Variants in C21orf58 observed in about 807,000 individuals in gnomAD.
The protein encoded by C21orf58 is chromosome 21 open reading frame 58.
Under a neutral mutation model 35.8 loss-of-function variants are expected in C21orf58, and 34 were observed. The ratio of observed to expected loss-of-function variants is 0.95; its 90% confidence interval spans 0.72 to 1.26. The LOEUF (loss-of-function observed/expected upper bound fraction) is 1.26, where lower values mean the gene tolerates loss of function less well. Ranked by LOEUF, C21orf58 falls within the 50% of genes most tolerant of loss-of-function variation. The probability of loss-of-function intolerance (pLI) is 0.00; values close to 1 mark genes in which losing one functional copy is unlikely to be tolerated. For synonymous variants in C21orf58, 191 were observed against 175.8 expected, an observed-to-expected ratio of 1.09 and a Z score of -0.68; for missense variants, 440 against 414.3, an observed-to-expected ratio of 1.06 and a Z score of -0.54.
chr21:46,310,247 C>T (rs554846666), intron 6 of C21orf58, among the ~76,000 whole-genome samples: 1 of 151,188 alleles, frequency 6.6e-6, no homozygotes, highest in Admixed American at 6.6e-5. Context: ...GAGGCCAAGG[C>T]GGGTGGATTG....
chr21:46,320,052 G>C (rs1488541828), intron 1 of C21orf58, among the ~76,000 whole-genome samples: 5 of 152,144 alleles, frequency 3.3e-5, no homozygotes, highest in Non-Finnish European at 7.3e-5. Flanking sequence ...TTAAGCAACT[G>C]TATAGAGCAC....
intron 1 of C21orf58, 137 bp downstream of exon 1, chr21:46,322,502 T>C (rs117394729): frequency 0.013 from 16,427 of 1,281,148 alleles, 114 homozygotes; most frequent in Non-Finnish European, 0.014. Context: ...GAAAGTGTGA[T>C]CCTGTGGGTG....
In C21orf58 at chr21:46,303,727, ATATATATATATATATATATTTTTTTTTT is replaced by A. The variant is rs2082252277; in HGVS notation, c.722-1179_722-1152del. On this transcript the variant is annotated intron_variant, in intron 6 of 7. Coordinates refer to ENST00000291691, the MANE Select transcript of C21orf58 (RefSeq NM_058180.5). ...ACACAAAATATATATATATATATAT[ATATATATATATATATATATTTTTTTTTT>A]TTTTTTTTTTTTTGGAGACAGAGTC... Among the ~76,000 whole-genome samples, 6 of 26,616 alleles carry A rather than the reference ATATATATATATATATATATTTTTTTTTT, an allele frequency of 2.3e-4. 1 individual carries two copies. Among genetic ancestry groups the A allele is most frequent in the African/African-American group, 4.8e-4 (3 of 6,224 alleles). The allele number at this position is 26,616 out of a possible 152,430, so 17.5% of individuals were successfully genotyped here.
intron 3 of C21orf58, among the ~76,000 whole-genome samples, chr21:46,316,756 C>G (rs1355448090): frequency 6.6e-6 from 1 of 152,216 alleles, no homozygotes; most frequent in Non-Finnish European, 1.5e-5. Context: ...GCAGCTGAGC[C>G]CCCACAGCTC....
intron 4 of C21orf58, 126 bp downstream of exon 4, chr21:46,315,348 T>C: frequency 1.5e-6 from 1 of 681,184 alleles, no homozygotes; most frequent in Non-Finnish European, 2.6e-6. Flanking sequence ...GTGTCCTTGC[T>C]GGGGCCTGGC....
intron 1 of C21orf58, among the ~76,000 whole-genome samples, chr21:46,321,672 C>G (rs923934573): frequency 6.6e-6 from 1 of 152,168 alleles, no homozygotes; most frequent in African/African-American, 2.4e-5. Context: ...CACTGTCACC[C>G]CATCACATCA....
chr21:46,302,416 A>C, intron 7 of C21orf58, 69 bp downstream of exon 7: 3 of 1,294,816 alleles, frequency 2.3e-6, no homozygotes, highest in Non-Finnish European at 2.2e-6. Flanking sequence ...CAGATGCAGA[A>C]ATTTCCAGAA....
chr21:46,312,475 C>T (rs900467006), intron 5 of C21orf58, among the ~76,000 whole-genome samples: 1 of 152,060 alleles, frequency 6.6e-6, no homozygotes, highest in Non-Finnish European at 1.5e-5. Flanking sequence ...CCTGCCACCA[C>T]GCCCGGCTAA....
chr21:46,316,780 C>T (rs1275067991), intron 3 of C21orf58, among the ~76,000 whole-genome samples: 2 of 152,248 alleles, frequency 1.3e-5, no homozygotes, highest in East Asian at 1.9e-4. Flanking sequence ...GCTTGCCCCA[C>T]GTTCCAAAGA....
chr21:46,303,739 ATATATATTTTTTTTT>A (rs1429115966), intron 6 of C21orf58, among the ~76,000 whole-genome samples: 5 of 28,228 alleles, frequency 1.8e-4, no homozygotes, highest in African/African-American at 8.7e-4. Flanking sequence ...ATATATATAT[ATATATATTTTTTTTT>A]TTTTTTTTTT....
rs776645708 is a variant in C21orf58 at position 46,322,692 on chromosome 21, T to C, written c.47A>G (p.Lys16Arg). 3.2e-6 allele frequency: 5 copies of C among 1,580,200 alleles called. No individual in the cohort carries two copies. The highest frequency in any genetic ancestry group is 4.3e-6 in the Non-Finnish European group (5 of 1,162,446). The change falls in exon 1 of 8, where the codon AAG (lysine) becomes AGG (arginine). Residue 16 changes from lysine (K) to arginine (R), a missense_variant. Lys to Arg is a conservative substitution (Grantham distance 26). Coordinates refer to ENST00000291691, the MANE Select transcript of C21orf58 (RefSeq NM_058180.5). ...AGAAGGAAGTTTCTGGCGGTCGAGC[T>C]TCCACGGCTTCCTGAGGGAGGTTGC... The part of the protein sequence containing the change: ...LPATSLRKPW[K>R]LDRQKLPSPD...
At chr21:46,312,110 C>T (rs1028134217) in intron 5 of C21orf58, among the ~76,000 whole-genome samples, 7 of 151,880 alleles carry the variant, frequency 4.6e-5, no homozygotes, top group African/African-American at 1.4e-4. Context: ...CAACCATCTA[C>T]CTACACATCC....
chr21:46,303,820 C>G (rs1601636037), intron 6 of C21orf58, among the ~76,000 whole-genome samples: 1 of 130,442 alleles, frequency 7.7e-6, no homozygotes, highest in Non-Finnish European at 1.6e-5. Flanking sequence ...GGTGCGATCT[C>G]GACTCACTGC....
At chr21:46,317,368 C>A in intron 2 of C21orf58, 100 bp from the exon 3 acceptor site, 1 of 1,538,620 alleles carries the variant, frequency 6.5e-7, no homozygotes, top group Non-Finnish European at 8.7e-7. Context: ...AAGAATGGTA[C>A]GTCAGGAGTA....
At chr21:46,309,063 A>G (rs1014048636) in intron 6 of C21orf58, among the ~76,000 whole-genome samples, 1 of 152,194 alleles carries the variant, frequency 6.6e-6, no homozygotes, top group African/African-American at 2.4e-5. Context: ...TCACGCCTGT[A>G]ATCCTAGTAC....
rs910007681 is a variant in C21orf58, at chr21:46,302,544, G to C, written c.754C>G (p.Gln252Glu). ...TTCTGCAGGACCAACTGGTGCACCT[G>C]TGCGTTCTGCAGCAGCAGCAGCTCC... The part of the protein sequence containing the change: ...MVELLLLQNA[Q>E]VHQLVLQNWM... The change falls in exon 7 of 8, where the codon CAG becomes GAG. Residue 252 changes from glutamine (Q) to glutamate (E), a missense_variant. Gln to Glu is a conservative substitution (Grantham distance 29, BLOSUM62 2). Coordinates refer to ENST00000291691, the MANE Select transcript of C21orf58 (RefSeq NM_058180.5). The C allele has an allele frequency of 1.9e-6, 3 of 1,612,652 alleles. No homozygotes were observed. The African/African-American group carries it at 4.0e-5, about 22-fold the overall frequency.
Position 46,318,228 on chromosome 21 carries a change from A to G in C21orf58, c.101-8T>C, listed in dbSNP as rs761252506. The G allele has an allele frequency of 6.2e-7, 1 of 1,611,408 alleles. No individual in the cohort carries two copies. Among genetic ancestry groups the G allele is most frequent in the Non-Finnish European group, 8.5e-7 (1 of 1,179,906 alleles). ...TACCTCCTGGAGACCAGCCTGAGGG[A>G]AGAGAAGAGCCCTGTGGGAAGATAG... is the stretch of plus-strand genomic sequence containing the variant. On this transcript the variant is annotated splice_polypyrimidine_tract_variant and splice_region_variant and intron_variant, in intron 1 of 7. Coordinates refer to ENST00000291691, the MANE Select transcript of C21orf58 (RefSeq NM_058180.5).
intron 6 of C21orf58, among the ~76,000 whole-genome samples, chr21:46,307,042 C>G (rs1227333967): frequency 6.6e-6 from 1 of 152,068 alleles, no homozygotes; most frequent in South Asian, 2.1e-4. Context: ...ATTACAGGCG[C>G]CCACCACCAC....
In C21orf58 at chr21:46,301,864, A is replaced by G. The variant is rs1038806707; in HGVS notation, c.*135T>C. On this transcript the variant is annotated 3_prime_UTR_variant, in exon 8 of 8. Transcript: ENST00000291691. ...CCCAGCTTCCCCAGGAGGAGCCTGCAGTCCACACTCGCGTAGCCACTCCGG... is the reference window on the plus strand; with the variant it reads ...CCCAGCTTCCCCAGGAGGAGCCTGCGGTCCACACTCGCGTAGCCACTCCGG... The G allele has an allele frequency of 2.4e-5, 31 of 1,288,658 alleles. No individual in the cohort carries two copies. The highest frequency in any genetic ancestry group is 2.9e-5 in the Non-Finnish European group (30 of 1,020,412). 79.8% of individuals were successfully genotyped at this position (1,288,658 alleles called of 1,614,324 possible).
Sources: allele counts gnomAD v4.1 joint callset (sites outside exome capture counted in the v4.1 genomes callset), GRCh38; gene constraint gnomAD v4.1.1; transcripts MANE v1.5; gene names NCBI Gene and HGNC (gene_info 2026-07-23, HGNC 2026-07-21).